BRD10: variants seen among roughly 807,000 people sequenced by gnomAD.
The protein encoded by BRD10 is uncharacterized bromodomain-containing protein 10.
chr9:5,945,085 A>C, the BRD10 span: 7 of 455,084 alleles, frequency 1.5e-5, no homozygotes, highest in Non-Finnish European at 2.7e-5. Flanking sequence ...GTAAAAAGCA[A>C]GAAAAGCTCT....
At chr9:5,934,358 C>CTTTTTTTTTTT in the BRD10 span, among the ~76,000 whole-genome samples, 2 of 129,996 alleles carry the variant, frequency 1.5e-5, 1 homozygote. Flanking sequence ...TTACGCTTTT[C>CTTTTTTTTTTT]TTTTTTTTTT....
chr9:5,898,818 A>T, the BRD10 span: 1 of 152,210 alleles, frequency 6.6e-6, no homozygotes, highest in East Asian at 1.9e-4. Flanking sequence ...ATCCCAGGAT[A>T]TCATCAGTGC....
the BRD10 span, among the ~76,000 whole-genome samples, chr9:5,975,483 A>C: frequency 2.3e-4 from 34 of 148,886 alleles, no homozygotes; most frequent in African/African-American, 7.3e-4. Context: ...CAATAAGGTC[A>C]TTAAAGTAGT....
chr9:5,887,533 T>TAC, the BRD10 span, among the ~76,000 whole-genome samples: 2 of 152,178 alleles, frequency 1.3e-5, no homozygotes, highest in African/African-American at 4.8e-5. Flanking sequence ...ACCAGTCATA[T>TAC]ATGGGCCAGG....
chr9:5,910,983 TC>T, the BRD10 span, among the ~76,000 whole-genome samples: 16 of 152,314 alleles, frequency 1.1e-4, no homozygotes, highest in East Asian at 1.7e-3. Context: ...TTTCTCCCAT[TC>T]ATGGGTTGTC....
At chr9:5,897,512 AC>A in the BRD10 span, 9 of 1,525,726 alleles carry the variant, frequency 5.9e-6, no homozygotes, top group Non-Finnish European at 8.2e-6. Context: ...ATAATGTAGA[AC>A]AATGTTTCAA....
the BRD10 span, chr9:5,892,505 G>A: frequency 2.5e-6 from 4 of 1,613,830 alleles, no homozygotes; most frequent in Non-Finnish European, 3.4e-6. Context: ...CTTCATCTAT[G>A]GTTACCCCAA....
the BRD10 span, chr9:5,923,013 G>C: frequency 1.9e-6 from 3 of 1,613,948 alleles, no homozygotes; most frequent in Non-Finnish European, 2.5e-6. Flanking sequence ...GTAGACACTG[G>C]TACTGAATCC....
the BRD10 span, among the ~76,000 whole-genome samples, chr9:5,884,173 T>C: frequency 6.6e-6 from 1 of 152,206 alleles, no homozygotes; most frequent in Non-Finnish European, 1.5e-5. Flanking sequence ...ATTTACAGTT[T>C]ACACAATGTT....
chr9:5,967,692 C>T, the BRD10 span, among the ~76,000 whole-genome samples: 1 of 45,422 alleles, frequency 2.2e-5, no homozygotes. Flanking sequence ...TGCCCTTAGC[C>T]TGAAAAAAAA....
chr9:5,951,295 A>G, the BRD10 span, among the ~76,000 whole-genome samples: 13 of 149,812 alleles, frequency 8.7e-5, no homozygotes, highest in African/African-American at 3.0e-4. Flanking sequence ...AAAGCAGCTG[A>G]GGTCAAAACA....
chr9:5,940,567 G>C, the BRD10 span, among the ~76,000 whole-genome samples: 1 of 152,196 alleles, frequency 6.6e-6, no homozygotes, highest in Non-Finnish European at 1.5e-5. Flanking sequence ...AATTTTGCTA[G>C]CTATATAACA....
chr9:5,930,294 G>C, the BRD10 span, among the ~76,000 whole-genome samples: 5 of 150,324 alleles, frequency 3.3e-5, no homozygotes, highest in African/African-American at 1.2e-4. Context: ...GAACACTAAG[G>C]TGGAAAAATT....
the BRD10 span, chr9:5,920,629 A>G: frequency 1.3e-5 from 21 of 1,613,902 alleles, no homozygotes; most frequent in Non-Finnish European, 1.7e-5. Flanking sequence ...TCCCTGGTGA[A>G]TGGAACTGGA....
the BRD10 span, among the ~76,000 whole-genome samples, chr9:5,952,593 A>C: frequency 6.6e-6 from 1 of 152,222 alleles, no homozygotes; most frequent in Non-Finnish European, 1.5e-5. Context: ...CTCACTAATG[A>C]ATACCACTGC....
At chr9:6,004,496 CT>C in the BRD10 span, among the ~76,000 whole-genome samples, 1 of 152,178 alleles carries the variant, frequency 6.6e-6, no homozygotes, top group Non-Finnish European at 1.5e-5. Context: ...GTGGTATCCT[CT>C]TTACCTAATA....
chr9:5,909,056 T>C, the BRD10 span: 12 of 291,268 alleles, frequency 4.1e-5, no homozygotes, highest in Non-Finnish European at 7.8e-5. Flanking sequence ...ATTTGGCTAA[T>C]AACAAACTAG....
the BRD10 span, chr9:6,008,274 C>G: frequency 2.0e-6 from 2 of 984,694 alleles, no homozygotes; most frequent in Non-Finnish European, 2.4e-6. Context: ...CTCCCGCCCC[C>G]CTCTACCTGC....
chr9:5,997,791 A>C, the BRD10 span, among the ~76,000 whole-genome samples: 1 of 152,160 alleles, frequency 6.6e-6, no homozygotes, highest in East Asian at 1.9e-4. Context: ...TTAACTAAGC[A>C]CTTATAGGTA....
Sources: allele counts gnomAD v4.1 joint callset (sites outside exome capture counted in the v4.1 genomes callset), GRCh38; gene constraint gnomAD v4.1.1; transcripts MANE v1.5; gene names NCBI Gene and HGNC (gene_info 2026-07-23, HGNC 2026-07-21).